The following ROBO2 variants were observed in gnomAD, a reference collection of about 807,000 sequenced individuals.
ROBO2 encodes roundabout guidance receptor 2, also known as roundabout homolog 2.
In ROBO2, 53 loss-of-function variants were observed where a neutral mutation model predicts 160.8. The observed-to-expected ratio is 0.33, with a 90% CI of 0.26 to 0.41. The LOEUF (loss-of-function observed/expected upper bound fraction) is 0.41. ROBO2 is among the 10% of genes least tolerant of loss of function. ROBO2 has a pLI of 1.00. For missense variants in ROBO2, 1,577 were observed against 1,722.4 expected, an observed-to-expected ratio of 0.92 and a Z score of 1.49; for synonymous variants, 664 against 611.7, an observed-to-expected ratio of 1.09 and a Z score of -1.26.
chr3:77,387,090 A>G (rs758511256), intron 2 of ROBO2, among the ~76,000 whole-genome samples: 62 of 152,168 alleles, frequency 4.1e-4, no homozygotes, highest in Non-Finnish European at 8.4e-4. Flanking sequence ...CCTCGGCCCC[A>G]TTCATGAAAA....
intron 2 of ROBO2, among the ~76,000 whole-genome samples, chr3:76,989,824 T>C (rs1178532970): frequency 6.6e-6 from 1 of 152,130 alleles, no homozygotes; most frequent in Admixed American, 6.5e-5. Context: ...AATTTTCTTA[T>C]ATAGTTTGTC....
chr3:76,984,991 CA>C (rs1362307116), intron 2 of ROBO2, among the ~76,000 whole-genome samples: 2 of 151,784 alleles, frequency 1.3e-5, no homozygotes, highest in African/African-American at 4.8e-5. Flanking sequence ...GAATTATTGT[CA>C]AAATAGAATT....
At chr3:77,150,923 A>C (rs1217233090) in intron 2 of ROBO2, among the ~76,000 whole-genome samples, 1 of 152,188 alleles carries the variant, frequency 6.6e-6, no homozygotes, top group Admixed American at 6.5e-5. Flanking sequence ...GTCAAGTTTA[A>C]TTAACTTTAG....
chr3:77,039,908 G>A (rs1003934294), exon 1 of ROBO2: 7 of 163,708 alleles, frequency 4.3e-5, no homozygotes, highest in African/African-American at 1.7e-4. Context: ...CAGCGCGCCT[G>A]GCGCTGGACT....
At chr3:76,519,582 T>C (rs991495569) in intron 2 of ROBO2, among the ~76,000 whole-genome samples, 4 of 152,138 alleles carry the variant, frequency 2.6e-5, no homozygotes, top group African/African-American at 9.7e-5. Flanking sequence ...ATATCTAGCA[T>C]TGTGGCCTAT....
intron 2 of ROBO2, among the ~76,000 whole-genome samples, chr3:76,637,788 C>G (rs1251930326): frequency 6.6e-6 from 1 of 152,122 alleles, no homozygotes; most frequent in African/African-American, 2.4e-5. Context: ...TAAGACTAAT[C>G]TAGGAAAGTC....
chr3:75,997,009 ATAAG>A (rs2065748867), intron 2 of ROBO2, among the ~76,000 whole-genome samples: 2 of 152,208 alleles, frequency 1.3e-5, no homozygotes. Flanking sequence ...TAAAAATTAT[ATAAG>A]TAAGACTACT....
At chr3:76,936,815 G>T in intron 2 of ROBO2, among the ~76,000 whole-genome samples, 1 of 150,530 alleles carries the variant, frequency 6.6e-6, no homozygotes, top group African/African-American at 2.5e-5. Flanking sequence ...ATTACATTCT[G>T]CCTTTAACCT....
chr3:76,022,518 G>T (rs1326860735), intron 2 of ROBO2, among the ~76,000 whole-genome samples: 2 of 151,838 alleles, frequency 1.3e-5, no homozygotes, highest in East Asian at 3.9e-4. Flanking sequence ...AATGGATGTT[G>T]TGTTAACGAG....
chr3:77,496,896 C>T (rs749897194), intron 5 of ROBO2, among the ~76,000 whole-genome samples: 1 of 151,992 alleles, frequency 6.6e-6, no homozygotes, highest in Non-Finnish European at 1.5e-5. Context: ...TACTGATATG[C>T]CTCTTTCTTT....
chr3:76,126,769 G>A (rs1237753396), intron 2 of ROBO2, among the ~76,000 whole-genome samples: 1 of 151,792 alleles, frequency 6.6e-6, no homozygotes, highest in Non-Finnish European at 1.5e-5. Flanking sequence ...ATCTACTATT[G>A]GATATTCATT....
intron 2 of ROBO2, among the ~76,000 whole-genome samples, chr3:76,148,529 CA>C (rs1042441004): frequency 6.6e-6 from 1 of 151,920 alleles, no homozygotes; most frequent in African/African-American, 2.4e-5. Context: ...AAATTTATCC[CA>C]AAAAAATCCA....
chr3:76,549,427 C>T lies in ROBO2; in HGVS notation c.110-548587C>T, dbSNP rs75579047. On this transcript the variant is annotated intron_variant, in intron 2 of 26. Coordinates refer to the ROBO2 transcript ENST00000487694. ...AAGTGTTGCCTCTACTGAGATTTTTCCTGAGTCAATGCCCAGTGCAACGGC... is the reference window on the plus strand; with the variant it reads ...AAGTGTTGCCTCTACTGAGATTTTTTCTGAGTCAATGCCCAGTGCAACGGC... Among the ~76,000 whole-genome samples, 934 of 152,194 alleles carry T rather than the reference C, an allele frequency of 6.1e-3. 13 individuals carry two copies. The highest frequency in any genetic ancestry group is 0.021 in the African/African-American group (864 of 41,522).
At chr3:75,942,956 C>T (rs77176135) in intron 2 of ROBO2, among the ~76,000 whole-genome samples, 6 of 152,146 alleles carry the variant, frequency 3.9e-5, no homozygotes, top group Admixed American at 2.0e-4. Flanking sequence ...TAGTAAGAGA[C>T]GTGTATGCTG....
At chr3:77,162,258 A>G (rs950051966) in intron 2 of ROBO2, among the ~76,000 whole-genome samples, 3 of 152,188 alleles carry the variant, frequency 2.0e-5, no homozygotes, top group Non-Finnish European at 2.9e-5. Flanking sequence ...AACATGGTGT[A>G]TATTTGTACT....
rs1294790741 is a variant in ROBO2, at chr3:76,173,580, T to C, written c.109+235978T>C. Among the ~76,000 whole-genome samples the C allele has an allele frequency of 2.6e-5, 4 of 152,102 alleles. No homozygotes were observed. The East Asian group carries it at 7.8e-4, about 29-fold the overall frequency. On this transcript the variant is annotated intron_variant, in intron 2 of 26. Transcript: ENST00000487694. The stretch of plus-strand genomic sequence containing the variant: ...TCCTGTGTCCATGTGTTCTTATTGT[T>C]CAACTCCCACTTATGAATGAGAACA...
intron 4 of ROBO2, among the ~76,000 whole-genome samples, chr3:77,490,012 G>T (rs1489699401): frequency 6.6e-6 from 1 of 151,944 alleles, no homozygotes; most frequent in Non-Finnish European, 1.5e-5. Flanking sequence ...TCTTCTTCAG[G>T]GCTCATATTT....
chr3:76,354,381 A>C (rs1345251048), intron 2 of ROBO2, among the ~76,000 whole-genome samples: 1 of 151,926 alleles, frequency 6.6e-6, no homozygotes, highest in Non-Finnish European at 1.5e-5. Flanking sequence ...TCTACTTTAG[A>C]TAGAGTAAGT....
At chr3:76,427,280 G>A (rs981441632) in intron 2 of ROBO2, among the ~76,000 whole-genome samples, 5 of 151,778 alleles carry the variant, frequency 3.3e-5, no homozygotes, top group African/African-American at 7.3e-5. Flanking sequence ...AAAACCACTC[G>A]CTTGCAACTG....
Sources: allele counts gnomAD v4.1 joint callset (sites outside exome capture counted in the v4.1 genomes callset), GRCh38; gene constraint gnomAD v4.1.1; transcripts MANE v1.5; gene names NCBI Gene and HGNC (gene_info 2026-07-23, HGNC 2026-07-21).